The following RNF150 variants were observed in gnomAD, a reference collection of about 807,000 sequenced individuals.
The protein encoded by RNF150 is ring finger protein 150.
RNF150 carries 24 observed loss-of-function variants against 39.3 expected under a neutral mutation model. The observed-to-expected ratio is 0.61, with a 90% confidence interval of 0.44 to 0.86. The LOEUF is 0.86. RNF150 is among the 40% of genes least tolerant of loss of function. RNF150 has a pLI of 0.00. For synonymous variants in RNF150, 255 were observed against 227.3 expected (o/e 1.12, Z -1.10); for missense variants, 502 against 587.8 (o/e 0.85, Z 1.51).
chr4:140,907,859 T>TAATA (rs1015595898), intron 6 of RNF150, among the ~76,000 whole-genome samples: 10 of 152,138 alleles, frequency 6.6e-5, no homozygotes, highest in African/African-American at 2.4e-4. Context: ...AAGATAAAAA[T>TAATA]AATATTTACC....
Position 140,881,153 on chromosome 4 carries a change from A to G in RNF150, c.1199-12774T>C, listed in dbSNP as rs535594360. On this transcript the variant is annotated intron_variant, in intron 6 of 6. Transcript: ENST00000515673. ...TTAATGTAGTCATTTATTGATATAA[A>G]CTTTCCTTTGTACTTTTTTTTTTTT... is the stretch of plus-strand genomic sequence containing the variant. Among the ~76,000 whole-genome samples, 200 of 146,576 alleles carry G rather than the reference A, an allele frequency of 1.4e-3. 1 individual carries two copies. Among genetic ancestry groups the G allele is most frequent in the African/African-American group, 4.7e-3 (187 of 39,974 alleles).
intron 1 of RNF150, among the ~76,000 whole-genome samples, chr4:141,170,065 C>T (rs1220372623): frequency 1.3e-5 from 2 of 152,128 alleles, no homozygotes; most frequent in East Asian, 3.8e-4. Flanking sequence ...TTAGGGATGG[C>T]TCACTGCTCG....
At chr4:140,937,473 C>A (rs1037266440) in intron 4 of RNF150, among the ~76,000 whole-genome samples, 2 of 152,134 alleles carry the variant, frequency 1.3e-5, no homozygotes, top group African/African-American at 2.4e-5. Flanking sequence ...GTTGGCCAGG[C>A]CTGTCTCGAA....
intron 1 of RNF150, among the ~76,000 whole-genome samples, chr4:141,040,524 T>A (rs952135415): frequency 2.0e-5 from 3 of 152,166 alleles, no homozygotes; most frequent in Non-Finnish European, 4.4e-5. Context: ...ATGACAAAAC[T>A]AATGCAATGC....
At chr4:140,910,695 C>T (rs1487790071) in intron 6 of RNF150, among the ~76,000 whole-genome samples, 2 of 124,226 alleles carry the variant, frequency 1.6e-5, no homozygotes, top group Non-Finnish European at 3.7e-5. Flanking sequence ...CACGCACACT[C>T]GGGGCTCCAG....
At chr4:140,898,906 G>A (rs977371389) in intron 6 of RNF150, among the ~76,000 whole-genome samples, 1 of 152,124 alleles carries the variant, frequency 6.6e-6, no homozygotes, top group Non-Finnish European at 1.5e-5. Flanking sequence ...CCTGATTAAG[G>A]CATAAGTCTT....
chr4:141,016,465 AC>A (rs35380328), intron 1 of RNF150, among the ~76,000 whole-genome samples: 80,144 of 152,082 alleles, frequency 0.53, 22,688 homozygotes, highest in Admixed American at 0.64. Flanking sequence ...ATGACTGCAG[AC>A]CTGTTCCTGA....
At chr4:141,117,751 T>A (rs1726476544) in intron 1 of RNF150, among the ~76,000 whole-genome samples, 2 of 152,210 alleles carry the variant, frequency 1.3e-5, no homozygotes. Context: ...GCAAGTGAAG[T>A]ATCGAAGACA....
intron 1 of RNF150, among the ~76,000 whole-genome samples, chr4:141,032,201 T>C (rs1018024971): frequency 2.0e-5 from 3 of 152,130 alleles, no homozygotes; most frequent in African/African-American, 7.2e-5. Flanking sequence ...AAACATTACA[T>C]GACTTCATTT....
At chr4:141,196,462 A>T (rs746420688) in intron 1 of RNF150, among the ~76,000 whole-genome samples, 2 of 152,184 alleles carry the variant, frequency 1.3e-5, no homozygotes, top group African/African-American at 4.8e-5. Flanking sequence ...TGTTCCTGCC[A>T]CCTAGATATT....
At chr4:140,956,305 T>C (rs984915467) in intron 2 of RNF150, among the ~76,000 whole-genome samples, 1 of 152,050 alleles carries the variant, frequency 6.6e-6, no homozygotes, top group Non-Finnish European at 1.5e-5. Flanking sequence ...TTCATAAGTA[T>C]GGTAAGAATC....
chr4:140,899,144 G>A (rs557379121), intron 6 of RNF150, among the ~76,000 whole-genome samples: 16 of 152,076 alleles, frequency 1.1e-4, no homozygotes, highest in Non-Finnish European at 2.2e-4. Context: ...TCTTAGCACT[G>A]TGTGTGAAAG....
In RNF150 at chr4:140,982,261, C is replaced by T. The variant is rs144887246; in HGVS notation, c.485-14388G>A. ...CGACATATGAAACCCTTCAAAGTCA[C>T]CACCTTATTCATCATCATCACTGAA... is the stretch of plus-strand genomic sequence containing the variant. On this transcript the variant is annotated intron_variant, in intron 1 of 6. Coordinates refer to ENST00000515673, the MANE Select transcript of RNF150 (RefSeq NM_020724.2). Among the ~76,000 whole-genome samples, 293 of 152,180 alleles carry T rather than the reference C, an allele frequency of 1.9e-3. 2 individuals are homozygous for T. The highest frequency in any genetic ancestry group is 6.8e-3 in the African/African-American group (283 of 41,536).
rs1445311321 is a variant in RNF150 at position 140,860,805 on chromosome 4, T to A, written c.*7456A>T. 1.3e-5 allele frequency: 2 copies of A among 152,200 alleles called. No homozygotes were observed. Among genetic ancestry groups the A allele is most frequent in the African/African-American group, 4.8e-5 (2 of 41,460 alleles). The allele number at this position is 152,200 out of a possible 1,614,324, so 9.4% of individuals were successfully genotyped here. On this transcript the variant is annotated 3_prime_UTR_variant, in exon 7 of 7. Transcript: ENST00000515673. ...GTGGTTAAAATAAGTTATTTCTTTT[T>A]CACATTTTTGCAACTGGCAATTGCT...
At chr4:141,188,180 T>A (rs1728045717) in intron 1 of RNF150, among the ~76,000 whole-genome samples, 1 of 152,210 alleles carries the variant, frequency 6.6e-6, no homozygotes, top group African/African-American at 2.4e-5. Context: ...TGGTTCCCAC[T>A]CTCTTCTGGC....
At chr4:141,203,810 T>G (rs1179026766) in intron 1 of RNF150, among the ~76,000 whole-genome samples, 9 of 151,872 alleles carry the variant, frequency 5.9e-5, no homozygotes, top group African/African-American at 1.7e-4. Context: ...AGTCAGCTCA[T>G]GTCTTCTTGG....
intron 1 of RNF150, among the ~76,000 whole-genome samples, chr4:141,017,966 T>C (rs1735343306): frequency 6.6e-6 from 1 of 152,210 alleles, no homozygotes; most frequent in South Asian, 2.1e-4. Flanking sequence ...TAAACATCTG[T>C]GTGAAGGTTT....
At chr4:141,026,813 T>C (rs913065896) in intron 1 of RNF150, among the ~76,000 whole-genome samples, 9 of 152,200 alleles carry the variant, frequency 5.9e-5, no homozygotes, top group African/African-American at 1.9e-4. Flanking sequence ...TGGCAAGATG[T>C]AAAGTTGAAA....
intron 4 of RNF150, among the ~76,000 whole-genome samples, chr4:140,935,040 TA>T (rs1731795621): frequency 7.3e-4 from 3 of 4,124 alleles, no homozygotes; most frequent in Admixed American, 3.0e-3. Context: ...ATAATATATA[TA>T]TATAAATATA....
Sources: gnomAD v4.1 joint callset for allele counts (sites outside exome capture counted in the v4.1 genomes callset) on GRCh38, gnomAD v4.1.1 for gene constraint, MANE v1.5 for transcripts, NCBI Gene and HGNC (gene_info 2026-07-23, HGNC 2026-07-21) for gene names.